Variants in ATP2B2 observed in about 807,000 individuals in gnomAD.
ATP2B2 encodes the protein plasma membrane calcium-transporting ATPase 2.
A neutral mutation model predicts 120.0 loss-of-function variants in ATP2B2; 15 were observed. The ratio of observed to expected loss-of-function variants is 0.12; its 90% confidence interval spans 0.08 to 0.19. The LOEUF is 0.19. ATP2B2 is among the 10% of genes least tolerant of loss of function. ATP2B2 has a pLI of 1.00. For missense variants in ATP2B2, 1,045 were observed against 1,719.8 expected, an observed-to-expected ratio of 0.61 and a Z score of 6.94; for synonymous variants, 694 against 700.3, an observed-to-expected ratio of 0.99 and a Z score of 0.14.
chr3:10,417,328 G>A (rs2062825473), intron 2 of ATP2B2, among the ~76,000 whole-genome samples: 1 of 151,946 alleles, frequency 6.6e-6, no homozygotes, highest in Admixed American at 6.5e-5. Flanking sequence ...CTGGGCAGAG[G>A]GGCTCCTCAT....
At chr3:10,459,938 C>T (rs568843746) in intron 1 of ATP2B2, among the ~76,000 whole-genome samples, 1 of 152,334 alleles carries the variant, frequency 6.6e-6, no homozygotes, top group African/African-American at 2.4e-5. Context: ...AGGCTCACAC[C>T]CTTCTGTCCA....
At position 10,615,438 on chromosome 3, in the gene ATP2B2, C is replaced by T. The variant is rs117694971; in HGVS notation, c.-415+4479G>A. On this transcript the variant is annotated intron_variant, in intron 2 of 21. Coordinates refer to the ATP2B2 transcript ENST00000646379. ...GATGACTCCAAGTTTTGGATTTAGGCAAAGACAGGAAGCAAGACATTTGCA... is the reference window on the plus strand; with the variant it reads ...GATGACTCCAAGTTTTGGATTTAGGTAAAGACAGGAAGCAAGACATTTGCA... Among the ~76,000 whole-genome samples the T allele has an allele frequency of 3.0e-4, 45 of 152,270 alleles. No individual in the cohort carries two copies. In the East Asian group the frequency reaches 8.5e-3, roughly 29 times the overall value.
At chr3:10,640,977 G>C (rs920280522) in intron 1 of ATP2B2, among the ~76,000 whole-genome samples, 1 of 152,152 alleles carries the variant, frequency 6.6e-6, no homozygotes, top group Admixed American at 6.5e-5. Context: ...CAGTGATGTG[G>C]AGGACAATGT....
At chr3:10,372,621 T>G (rs1319768730) in intron 11 of ATP2B2, among the ~76,000 whole-genome samples, 1 of 152,166 alleles carries the variant, frequency 6.6e-6, no homozygotes, top group Non-Finnish European at 1.5e-5. Flanking sequence ...ATATATCACT[T>G]GCATAATAAA....
chr3:10,605,336 T>C (rs1236782657), intron 2 of ATP2B2, among the ~76,000 whole-genome samples: 2 of 152,228 alleles, frequency 1.3e-5, no homozygotes, highest in Admixed American at 1.3e-4. Context: ...TAGTATCATC[T>C]CTATTCTACA....
At chr3:10,618,001 T>C (rs2069441697) in intron 2 of ATP2B2, among the ~76,000 whole-genome samples, 2 of 152,226 alleles carry the variant, frequency 1.3e-5, no homozygotes, top group South Asian at 4.1e-4. Flanking sequence ...CTAATGAGAC[T>C]GTGTCTAAGA....
At chr3:10,498,372 C>T (rs528648443) in intron 1 of ATP2B2, among the ~76,000 whole-genome samples, 31 of 152,342 alleles carry the variant, frequency 2.0e-4, no homozygotes, top group African/African-American at 7.0e-4. Context: ...GGGCACAGAT[C>T]AAAAAACTTC....
chr3:10,353,025 C>T (rs572324250), intron 14 of ATP2B2, among the ~76,000 whole-genome samples: 2 of 152,216 alleles, frequency 1.3e-5, no homozygotes, highest in African/African-American at 4.8e-5. Flanking sequence ...CTTGCACACC[C>T]GATGACAGGG....
chr3:10,466,270 G>T (rs1218185555), intron 1 of ATP2B2, among the ~76,000 whole-genome samples: 1 of 152,226 alleles, frequency 6.6e-6, no homozygotes, highest in African/African-American at 2.4e-5. Flanking sequence ...GTGCAGCACA[G>T]AATAGTCCTG....
intron 1 of ATP2B2, among the ~76,000 whole-genome samples, chr3:10,504,097 C>A (rs1410888776): frequency 6.6e-6 from 1 of 152,110 alleles, no homozygotes; most frequent in Admixed American, 6.5e-5. Flanking sequence ...CATGCATATG[C>A]CCTGATGTGA....
intron 1 of ATP2B2, among the ~76,000 whole-genome samples, chr3:10,484,553 G>A (rs768514528): frequency 1.3e-5 from 2 of 152,018 alleles, no homozygotes; most frequent in South Asian, 2.1e-4. Flanking sequence ...AGTTCCTCAC[G>A]GCCTGTCCCC....
chr3:10,549,692 G>C (rs1322852816), intron 2 of ATP2B2, among the ~76,000 whole-genome samples: 1 of 151,172 alleles, frequency 6.6e-6, no homozygotes, highest in Non-Finnish European at 1.5e-5. Flanking sequence ...TTCCTTTTCT[G>C]TTTTCTTTCT....
At chr3:10,586,597 G>A (rs926457799) in intron 2 of ATP2B2, among the ~76,000 whole-genome samples, 1 of 152,150 alleles carries the variant, frequency 6.6e-6, no homozygotes, top group South Asian at 2.1e-4. Flanking sequence ...GAGGTTCCTC[G>A]AGAGAATCTT....
At chr3:10,691,385 ACATACCT>A (rs2071660371) in intron 1 of ATP2B2, among the ~76,000 whole-genome samples, 1 of 152,196 alleles carries the variant, frequency 6.6e-6, no homozygotes, top group South Asian at 2.1e-4. Flanking sequence ...TCCAGGCCCC[ACATACCT>A]CAGTAGTTAT....
At chr3:10,438,403 G>A (rs40097) in intron 2 of ATP2B2, among the ~76,000 whole-genome samples, 33,298 of 152,134 alleles carry the variant, frequency 0.22, 4,483 homozygotes, top group East Asian at 0.55. Context: ...CCTACTTCCT[G>A]GCGACTGCTC....
At chr3:10,484,868 G>A (rs368394225) in intron 1 of ATP2B2, among the ~76,000 whole-genome samples, 101 of 152,368 alleles carry the variant, frequency 6.6e-4, no homozygotes, top group African/African-American at 2.1e-3. Flanking sequence ...ACCAGCTCAC[G>A]TCTGCGCAGA....
chr3:10,505,871 C>G (rs193029498), upstream of ATP2B2, among the ~76,000 whole-genome samples: 762 of 151,892 alleles, frequency 5.0e-3, 7 homozygotes, highest in African/African-American at 0.018. Flanking sequence ...CATGAGGAAC[C>G]GAAGCTGGCA....
chr3:10,337,293 G>C (rs1242173502), intron 22 of ATP2B2, among the ~76,000 whole-genome samples: 1 of 152,162 alleles, frequency 6.6e-6, no homozygotes, highest in African/African-American at 2.4e-5. Context: ...ACAGCTGGCA[G>C]GATGGTGGCC....
chr3:10,329,231 G>T lies in ATP2B2; in HGVS notation c.3421-106C>A. The T allele has an allele frequency of 1.7e-6, 2 of 1,143,038 alleles. No individual in the cohort carries two copies. Among genetic ancestry groups the T allele is most frequent in the Non-Finnish European group, 2.6e-6 (2 of 768,836 alleles). 70.8% of individuals were successfully genotyped at this position (1,143,038 alleles called of 1,614,324 possible). ...GAGAAGGGTTAGGGCAAAGCAGGTG[G>T]CTGGAATCCATAGTCGCTGGGTGTT... On this transcript the variant is annotated intron_variant, in intron 22 of 22. Coordinates refer to ENST00000360273, the MANE Select transcript of ATP2B2 (RefSeq NM_001001331.4). The surrounding 1 kb of genome is among the most constrained non-coding windows in gnomAD (Gnocchi z 5.9).
Sources: allele counts gnomAD v4.1 joint callset (sites outside exome capture counted in the v4.1 genomes callset), GRCh38; gene constraint gnomAD v4.1.1; non-coding constraint Gnocchi (gnomAD v3.1); transcripts MANE v1.5; gene names NCBI Gene and HGNC (gene_info 2026-07-23, HGNC 2026-07-21).